CAND2: variants seen among roughly 807,000 people sequenced by gnomAD.
The protein encoded by CAND2 is cullin associated and neddylation dissociated 2 (putative), also known as cullin-associated NEDD8-dissociated protein 2.
In CAND2, 62 loss-of-function variants were observed where a neutral mutation model predicts 98.9. The ratio of observed to expected loss-of-function variants is 0.63; its 90% CI spans 0.51 to 0.77. The LOEUF (loss-of-function observed/expected upper bound fraction) is 0.77, where lower values mean the gene tolerates loss of function less well. Among genes scored for constraint, CAND2 ranks in the 30% least tolerant of loss-of-function variants. The pLI is 0.00. For synonymous variants in CAND2, 770 were observed against 731.9 expected (o/e 1.05, Z -0.84); for missense variants, 1,501 against 1,655.2 (o/e 0.91, Z 1.62).
chr3:12,828,057 T>C (rs1199512633), intron 13 of CAND2, among the ~76,000 whole-genome samples: 6 of 151,964 alleles, frequency 3.9e-5, no homozygotes, highest in African/African-American at 1.2e-4. Context: ...ACTAGCAGCA[T>C]TGAGGAGCGA....
Position 12,815,768 on chromosome 3 carries a change from T to A in CAND2, c.1300-99T>A. 8.5e-7 allele frequency: 1 copy of A among 1,178,204 alleles called. No individual in the cohort carries two copies. Among genetic ancestry groups the A allele is most frequent in the Non-Finnish European group, 1.2e-6 (1 of 820,168 alleles). 73.0% of individuals were successfully genotyped at this position (1,178,204 alleles called of 1,614,324 possible). Reference sequence around the variant, plus strand: ...CTTGGGAGATATCTTGATGCCGACATCCTCCCTGGGGATGTGTCTGGCAAA... The same window carrying A: ...CTTGGGAGATATCTTGATGCCGACAACCTCCCTGGGGATGTGTCTGGCAAA... On this transcript the variant is annotated intron_variant, in intron 8 of 14. Coordinates refer to ENST00000456430, the MANE Select transcript of CAND2 (RefSeq NM_001162499.2). The surrounding 1 kb of genome is among the most constrained non-coding windows in gnomAD (Gnocchi z 5.7).
chr3:12,796,729 C>T lies in CAND2; in HGVS notation c.9C>T (p.Thr3=), dbSNP rs751539239. The T allele has an allele frequency of 4.4e-6, 7 of 1,585,336 alleles. No individual in the cohort carries two copies. In the South Asian group the frequency reaches 4.6e-5, roughly 10 times the overall value. ...CGCGGCGCGCAGCCACCATGAGCAC[C>T]GCCGCCTTCCACATCTCCAGCCTCC... is the stretch of plus-strand genomic sequence containing the variant. MS[T]AAFHISSLLE... The change falls in exon 1 of 15, where the codon ACC becomes ACT. Residue 3 remains threonine (T), a synonymous_variant. Transcript: ENST00000456430.
chr3:12,819,844 T>C (rs2061941889), intron 10 of CAND2, among the ~76,000 whole-genome samples: 1 of 152,206 alleles, frequency 6.6e-6, no homozygotes, highest in African/African-American at 2.4e-5. Flanking sequence ...ATTGGTTCCC[T>C]GTTTGCAGCC....
chr3:12,833,920 T>C lies in CAND2; in HGVS notation c.3649T>C (p.Phe1217Leu), dbSNP rs1417564749. 1 of 1,614,100 alleles carries C rather than the reference T, an allele frequency of 6.2e-7. No homozygotes were observed. Among genetic ancestry groups the C allele is most frequent in the Non-Finnish European group, 8.5e-7 (1 of 1,180,042 alleles). Reference protein sequence around the residue: ...IRSNPELAALFESIQKDSASA... With the variant: ...IRSNPELAALLESIQKDSASA... ...ATCCAACCCTGAACTTGCTGCCCTC[T>C]TTGAAAGCATCCAGAAGGATTCCGC... The change falls in exon 15 of 15, where the codon TTT (phenylalanine) becomes CTT (leucine). Residue 1217 changes from phenylalanine to leucine, a missense_variant. Physicochemically the swap from Phe to Leu is conservative, Grantham distance 22. Transcript: ENST00000456430.
At position 12,813,068 on chromosome 3, in the gene CAND2, T is replaced by A; in HGVS notation, c.836T>A (p.Leu279His). The change falls in exon 6 of 15, where the codon CTC becomes CAC. Residue 279 changes from leucine (L) to histidine (H), a missense_variant. Around this residue, in one of 3 missense-constraint regions of CAND2, gnomAD observed 1,427 missense variants for 1,545.3 expected, o/e 0.92. Transcript: ENST00000456430. The stretch of plus-strand genomic sequence containing the variant: ...GATGATGAGCTCCGGGAGTCCTGCC[T>A]CCAGGCTTTTGAGGCCTTCTTGAGG... Reference protein sequence around the residue: ...LDDDELRESCLQAFEAFLRKC... With the variant: ...LDDDELRESCHQAFEAFLRKC... 4 of 1,581,244 alleles carry A rather than the reference T, an allele frequency of 2.5e-6. No individual in the cohort carries two copies. Among genetic ancestry groups the A allele is most frequent in the Non-Finnish European group, 3.4e-6 (4 of 1,163,836 alleles).
chr3:12,815,387 A>G lies in CAND2; in HGVS notation c.1253A>G (p.Glu418Gly), dbSNP rs1253481189. ...QPPKGWLEAM[E>G]EPTQTGSNLH... is the part of the protein sequence containing the mutation. ...CCGAAGGGATGGCTGGAGGCCATGG[A>G]GGAACCCACCCAGACCGGCAGCAAC... Residue 418 changes from glutamate to glycine, a missense_variant, in exon 8 of 15, where the codon GAG becomes GGG. Physicochemically the swap from Glu to Gly is moderately conservative, Grantham distance 98 (BLOSUM62 -2). Transcript: ENST00000456430. This position sits in a 1 kb window ranked among gnomAD's most constrained non-coding sequence, Gnocchi z 5.7. 2 of 1,613,780 alleles carry G rather than the reference A, an allele frequency of 1.2e-6. No homozygotes were observed. Among genetic ancestry groups the G allele is most frequent in the Middle Eastern group, 1.7e-4 (1 of 5,872 alleles).
Position 12,833,790 on chromosome 3 carries a change from G to GC in CAND2, c.3520dup (p.Gln1174ProfsTer3). ...GTTCTGTGAAGCAGGAGTTTGAAAA[G>GC]CAAGATGAACTGAAGCGCTCTGCAA... On this transcript the variant is annotated frameshift_variant, in exon 15 of 15. Transcript: ENST00000456430. LOFTEE classifies it high-confidence loss of function. 1 of 1,614,170 alleles carries GC rather than the reference G, an allele frequency of 6.2e-7. No individual in the cohort carries two copies. The highest frequency in any genetic ancestry group is 1.7e-5 in the Admixed American group (1 of 60,026).
At chr3:12,806,529 T>A (rs578108234) in intron 2 of CAND2, among the ~76,000 whole-genome samples, 21 of 152,206 alleles carry the variant, frequency 1.4e-4, no homozygotes, top group Non-Finnish European at 2.4e-4. Context: ...CGACTGCATG[T>A]TAGAATCACC....
At chr3:12,808,944 C>A (rs1187456534) in intron 4 of CAND2, among the ~76,000 whole-genome samples, 1 of 152,086 alleles carries the variant, frequency 6.6e-6, no homozygotes, top group African/African-American at 2.4e-5. Flanking sequence ...AGGTGCAGGG[C>A]TGGCCAGGAG....
chr3:12,813,015 C>G lies in CAND2; in HGVS notation c.783C>G (p.Pro261=), dbSNP rs1380755914. The G allele has an allele frequency of 6.3e-6, 10 of 1,579,414 alleles. No homozygotes were observed. In the East Asian group the frequency reaches 1.6e-4, roughly 25 times the overall value. The change falls in exon 6 of 15, where the codon CCC becomes CCG. Residue 261 remains proline, a synonymous_variant. Coordinates refer to ENST00000456430, the MANE Select transcript of CAND2 (RefSeq NM_001162499.2). ...RLGAHLDRLV[P]LVEDFCNLDD... The stretch of plus-strand genomic sequence containing the variant: ...GGGCTCACCTGGACCGCCTGGTGCC[C>G]CTGGTGGAGGATTTCTGCAACCTGG...
At chr3:12,829,302 C>T (rs967283487) in intron 13 of CAND2, among the ~76,000 whole-genome samples, 27 of 152,246 alleles carry the variant, frequency 1.8e-4, no homozygotes, top group Admixed American at 6.5e-5. Context: ...TGCACCACCA[C>T]GCTCGGCTAA....
intron 2 of CAND2, among the ~76,000 whole-genome samples, chr3:12,805,056 T>C (rs553630789): frequency 6.6e-6 from 1 of 152,322 alleles, no homozygotes; most frequent in Admixed American, 6.5e-5. Flanking sequence ...CCTCTACACA[T>C]AATGCCCTAA....
intron 13 of CAND2, among the ~76,000 whole-genome samples, chr3:12,830,166 T>C (rs938989581): frequency 5.9e-5 from 9 of 152,182 alleles, no homozygotes; most frequent in African/African-American, 2.2e-4. Context: ...GGCTTTATTA[T>C]TGCTTTAAAC....
chr3:12,815,391 A>G lies in CAND2; in HGVS notation c.1257A>G (p.Glu419=). Residue 419 remains glutamate, a synonymous_variant, in exon 8 of 15, where the codon GAA becomes GAG. Transcript: ENST00000456430. The surrounding 1 kb of genome is among the most constrained non-coding windows in gnomAD (Gnocchi z 5.7). ...AGGGATGGCTGGAGGCCATGGAGGA[A>G]CCCACCCAGACCGGCAGCAACCTCC... ...PPKGWLEAME[E]PTQTGSNLHM... 6.2e-7 allele frequency: 1 copy of G among 1,613,468 alleles called. No homozygotes were observed. Among genetic ancestry groups the G allele is most frequent in the Non-Finnish European group, 8.5e-7 (1 of 1,179,852 alleles).
rs755748938 is a variant in CAND2, at chr3:12,817,574, C to G, written c.2642C>G (p.Ala881Gly). 6.2e-7 allele frequency: 1 copy of G among 1,613,924 alleles called. No homozygotes were observed. The highest frequency in any genetic ancestry group is 1.7e-5 in the Admixed American group (1 of 60,036). Residue 881 changes from alanine (A) to glycine (G), a missense_variant, in exon 10 of 15, where the codon GCC becomes GGC. By Grantham distance (60) the Ala-to-Gly change is moderately conservative. Coordinates refer to ENST00000456430, the MANE Select transcript of CAND2 (RefSeq NM_001162499.2). Reference sequence around the variant, plus strand: ...CCCAGTGAGGATGTGAGGGCTGCAGCCTCGTATGCACTGGGCCGTGTGGGT... The same window carrying G: ...CCCAGTGAGGATGTGAGGGCTGCAGGCTCGTATGCACTGGGCCGTGTGGGT... Reference protein sequence around the residue: ...GSPSEDVRAAASYALGRVGAG... With the variant: ...GSPSEDVRAAGSYALGRVGAG...
At chr3:12,806,854 G>A (rs945182753) in intron 2 of CAND2, among the ~76,000 whole-genome samples, 1 of 152,196 alleles carries the variant, frequency 6.6e-6, no homozygotes, top group African/African-American at 2.4e-5. Context: ...TGAGAAGCAA[G>A]CCTCTAAGGC....
At chr3:12,828,286 T>C (rs2062020012) in intron 13 of CAND2, among the ~76,000 whole-genome samples, 1 of 152,004 alleles carries the variant, frequency 6.6e-6, no homozygotes, top group Non-Finnish European at 1.5e-5. Flanking sequence ...TGGCGAAATA[T>C]TAATAATACA....
At chr3:12,812,128 C>T (rs1179063156) in intron 5 of CAND2, among the ~76,000 whole-genome samples, 7 of 151,298 alleles carry the variant, frequency 4.6e-5, no homozygotes, top group African/African-American at 9.7e-5. Context: ...AAGCTGGTCT[C>T]GAACTCCTGA....
chr3:12,806,390 G>A (rs1372427737), intron 2 of CAND2, among the ~76,000 whole-genome samples: 2 of 152,170 alleles, frequency 1.3e-5, no homozygotes, highest in African/African-American at 4.8e-5. Context: ...CCTGCCCAGG[G>A]ATTCAGATTC....
Sources: allele counts gnomAD v4.1 joint callset (sites outside exome capture counted in the v4.1 genomes callset), GRCh38; gene constraint gnomAD v4.1.1; regional missense constraint gnomAD v4.1.1; non-coding constraint Gnocchi (gnomAD v3.1); transcripts MANE v1.5; gene names NCBI Gene and HGNC (gene_info 2026-07-23, HGNC 2026-07-21).